Variants in KDM4B observed in about 807,000 individuals in gnomAD.
KDM4B encodes lysine demethylase 4B, also known as lysine-specific demethylase 4B.
A neutral mutation model predicts 125.2 loss-of-function variants in KDM4B; 32 were observed. The ratio of observed to expected loss-of-function variants is 0.26; its 90% CI spans 0.19 to 0.34. The LOEUF (loss-of-function observed/expected upper bound fraction) is 0.34. Among genes scored for constraint, KDM4B ranks in the 10% least tolerant of loss-of-function variants. The probability of loss-of-function intolerance (pLI) is 1.00; values close to 1 mark genes in which losing one functional copy is unlikely to be tolerated. For synonymous variants in KDM4B, 721 were observed against 677.9 expected, an observed-to-expected ratio of 1.06 and a Z score of -0.99; for missense variants, 1,190 against 1,577.7, an observed-to-expected ratio of 0.75 and a Z score of 4.16.
intron 1 of KDM4B, among the ~76,000 whole-genome samples, chr19:4,980,006 G>A (rs1480667184): frequency 6.6e-6 from 1 of 152,110 alleles, no homozygotes; most frequent in Admixed American, 6.6e-5. Context: ...TTGGGAGGCT[G>A]GGGCATGAGA....
Position 4,974,728 on chromosome 19 carries a change from ACT to A in KDM4B, c.-109+5501_-109+5502del, listed in dbSNP as rs1029613065. 6.9e-4 allele frequency among the ~76,000 whole-genome samples: 99 copies of A among 143,796 alleles called. 2 individuals carry two copies. Among genetic ancestry groups the A allele is most frequent in the Non-Finnish European group, 1.9e-4 (13 of 66,888 alleles). 94.3% of individuals were successfully genotyped at this position (143,796 alleles called of 152,430 possible). On this transcript the variant is annotated intron_variant, in intron 1 of 22. Transcript: ENST00000159111. ...ACTCCAGTCTGGGAGACAGAGCGAGACTCTGTCTCCAAAAAAAAAAAAAAGAA... is the reference window on the plus strand; with the variant it reads ...ACTCCAGTCTGGGAGACAGAGCGAGACTGTCTCCAAAAAAAAAAAAAAGAA...
At chr19:5,098,736 C>A (rs1481563905) in intron 9 of KDM4B, among the ~76,000 whole-genome samples, 2 of 152,036 alleles carry the variant, frequency 1.3e-5, no homozygotes, top group African/African-American at 2.4e-5. Context: ...TATGAAAGAG[C>A]CCCCAGAGAG....
chr19:4,974,203 C>T (rs1172283926), intron 1 of KDM4B, among the ~76,000 whole-genome samples: 2 of 151,716 alleles, frequency 1.3e-5, no homozygotes, highest in Non-Finnish European at 2.9e-5. Context: ...CGAGACCATC[C>T]TGGCTAACAC....
chr19:5,011,611 G>T (rs1029460989), intron 1 of KDM4B, among the ~76,000 whole-genome samples: 1 of 152,212 alleles, frequency 6.6e-6, no homozygotes, highest in Non-Finnish European at 1.5e-5. Flanking sequence ...TGGGCCCTGG[G>T]CCATCCCGGC....
In KDM4B at chr19:5,118,298, G is replaced by A. The variant is rs993658801; in HGVS notation, c.1116-1355G>A. On this transcript the variant is annotated intron_variant, in intron 10 of 22. Coordinates refer to ENST00000159111, the MANE Select transcript of KDM4B (RefSeq NM_015015.3). ...CGGGAAGCACCCGGAAGCCGCAGCC[G>A]GCATTGGTGATTGTCCCGGAAACAC... is the stretch of plus-strand genomic sequence containing the variant. 5.9e-5 allele frequency among the ~76,000 whole-genome samples: 9 copies of A among 152,342 alleles called. No homozygotes were observed. The South Asian group carries it at 1.2e-3, about 21-fold the overall frequency.
In KDM4B at chr19:5,131,917, G is replaced by A; in HGVS notation, c.1816G>A (p.Glu606Lys). ...GTCCACATTTTCCAAATTGAAGATG[G>A]AGATCAAGAAGAGCCGGCGCCATCC... ...APSTFSKLKM[E>K]IKKSRRHPLG... is the part of the protein sequence containing the mutation. The change falls in exon 13 of 23, where the codon GAG (glutamate) becomes AAG (lysine). Residue 606 changes from glutamate (E) to lysine (K), a missense_variant. Glu to Lys is a moderately conservative substitution (Grantham distance 56). Around this residue, in one of 7 missense-constraint regions of KDM4B, gnomAD observed 428 missense variants for 405.1 expected, o/e 1.06. Coordinates refer to ENST00000159111, the MANE Select transcript of KDM4B (RefSeq NM_015015.3). 6.2e-7 allele frequency: 1 copy of A among 1,612,828 alleles called. No homozygotes were observed.
At chr19:5,071,096 C>T in intron 7 of KDM4B, 37 bp downstream of exon 7, 4 of 1,602,760 alleles carry the variant, frequency 2.5e-6, no homozygotes, top group Non-Finnish European at 2.6e-6. Flanking sequence ...GGACCTGGGA[C>T]CAGGTGGGAG....
At chr19:5,128,261 T>G (rs2039483556) in intron 11 of KDM4B, among the ~76,000 whole-genome samples, 1 of 152,144 alleles carries the variant, frequency 6.6e-6, no homozygotes, top group African/African-American at 2.4e-5. Context: ...CTTCCCCAAT[T>G]CCTCATGTGT....
chr19:4,994,027 T>C (rs1165698252), intron 1 of KDM4B, among the ~76,000 whole-genome samples: 1 of 149,992 alleles, frequency 6.7e-6, no homozygotes, highest in Non-Finnish European at 1.5e-5. Context: ...CCTGTTTTTT[T>C]TTTTTTTTTT....
intron 18 of KDM4B, among the ~76,000 whole-genome samples, chr19:5,143,357 A>G (rs1202302167): frequency 6.6e-6 from 1 of 151,890 alleles, no homozygotes; most frequent in South Asian, 2.1e-4. Context: ...TAACCATTCT[A>G]AAGTGTGCCA....
intron 3 of KDM4B, among the ~76,000 whole-genome samples, chr19:5,034,785 C>A (rs559178512): frequency 1.4e-4 from 22 of 152,324 alleles, no homozygotes; most frequent in Admixed American, 7.2e-4. Context: ...GCGAGGGAAG[C>A]AGTCTCGCAC....
intron 9 of KDM4B, among the ~76,000 whole-genome samples, chr19:5,092,592 C>T (rs2038732784): frequency 6.6e-6 from 1 of 152,216 alleles, no homozygotes; most frequent in Non-Finnish European, 1.5e-5. Context: ...CCCCAGTCTT[C>T]TCTACCATCC....
intron 11 of KDM4B, among the ~76,000 whole-genome samples, chr19:5,122,890 C>G (rs1686062200): frequency 6.6e-6 from 1 of 152,204 alleles, no homozygotes; most frequent in Non-Finnish European, 1.5e-5. Flanking sequence ...AGCGGGCAGC[C>G]CAGTCCCCTG....
chr19:5,137,355 A>G lies in KDM4B; in HGVS notation c.2385+17A>G, dbSNP rs2039666919. The G allele has an allele frequency of 3.2e-6, 5 of 1,552,158 alleles. No individual in the cohort carries two copies. The highest frequency in any genetic ancestry group is 4.4e-6 in the Non-Finnish European group (5 of 1,147,858). ...TGGACTGCGGTAACTCGCTCCCCGC[A>G]GCGGGGGTGGTGCTCTGAGAGGCCT... On this transcript the variant is annotated intron_variant, in intron 16 of 22. Coordinates refer to ENST00000159111, the MANE Select transcript of KDM4B (RefSeq NM_015015.3).
chr19:5,119,593 C>T (rs2039322741), intron 10 of KDM4B, 60 bp from the exon 11 acceptor site: 1 of 1,472,846 alleles, frequency 6.8e-7, no homozygotes, highest in African/African-American at 1.4e-5. Flanking sequence ...ACAGAGTGCA[C>T]AGACCTAGGG....
intron 6 of KDM4B, among the ~76,000 whole-genome samples, chr19:5,069,429 C>A (rs2037876930): frequency 6.6e-6 from 1 of 151,950 alleles, no homozygotes; most frequent in African/African-American, 2.4e-5. Context: ...CCTGCCTCAG[C>A]CACCTGAGTA....
At chr19:5,059,019 G>T (rs1237821797) in intron 6 of KDM4B, among the ~76,000 whole-genome samples, 1 of 152,244 alleles carries the variant, frequency 6.6e-6, no homozygotes, top group Non-Finnish European at 1.5e-5. Flanking sequence ...GGCTGTGGGG[G>T]TCTGTGCGTG....
In KDM4B at chr19:5,040,029, G is replaced by A. The variant is rs780237759; in HGVS notation, c.317+18G>A. 3 of 1,597,840 alleles carry A rather than the reference G, an allele frequency of 1.9e-6. No homozygotes were observed. In the South Asian group the frequency reaches 3.3e-5, roughly 18 times the overall value. On this transcript the variant is annotated intron_variant, in intron 4 of 22. Transcript: ENST00000159111. ...AGCGAGAAGTACGCGGGGCGGGCAG[G>A]GCGGACCTGACCCCCGCCCCCGGGG... is the stretch of plus-strand genomic sequence containing the variant.
At position 4,997,409 on chromosome 19, in the gene KDM4B, G is replaced by A. The variant is rs11881751; in HGVS notation, c.-108-18848G>A. ...TCCACTGTGTCCTTCTGTGGTTCAT[G>A]AGGACCTGCCATCTGGGGGCGGCGA... is the stretch of plus-strand genomic sequence containing the variant. On this transcript the variant is annotated intron_variant, in intron 1 of 22. Coordinates refer to ENST00000159111, the MANE Select transcript of KDM4B (RefSeq NM_015015.3). This position sits in a 1 kb window ranked among gnomAD's most constrained non-coding sequence, Gnocchi z 4.2. Among the ~76,000 whole-genome samples the A allele has an allele frequency of 0.19, 29,342 of 151,984 alleles. 3,243 individuals are homozygous for A. The highest frequency in any genetic ancestry group is 0.36 in the Middle Eastern group (107 of 294).
Sources: gnomAD v4.1 joint callset for allele counts (sites outside exome capture counted in the v4.1 genomes callset) on GRCh38, gnomAD v4.1.1 for gene constraint, gnomAD v4.1.1 regional missense constraint, Gnocchi (gnomAD v3.1) non-coding constraint, MANE v1.5 for transcripts, NCBI Gene and HGNC (gene_info 2026-07-23, HGNC 2026-07-21) for gene names.